EYS: variants seen among roughly 807,000 people sequenced by gnomAD.
EYS encodes EGF-like photoreceptor maintenance factor, also known as protein eyes shut homolog.
A neutral mutation model predicts 282.1 loss-of-function variants in EYS; 250 were observed. The ratio of observed to expected loss-of-function variants is 0.89; its 90% CI spans 0.80 to 0.98. EYS has a LOEUF of 0.98. Ranked by LOEUF, EYS falls within the 50% of genes least tolerant of loss-of-function variation. The pLI, the probability that EYS is intolerant of heterozygous loss-of-function variation, is 0.00. For missense variants in EYS, 4,016 were observed against 3,709.0 expected, an observed-to-expected ratio of 1.08 and a Z score of -2.15; for synonymous variants, 1,355 against 1,282.9, an observed-to-expected ratio of 1.06 and a Z score of -1.20.
chr6:64,702,489 G>A (rs1770826145), intron 22 of EYS, among the ~76,000 whole-genome samples: 1 of 151,958 alleles, frequency 6.6e-6, no homozygotes, highest in Non-Finnish European at 1.5e-5. Context: ...ACAAATTTAT[G>A]TACTTTATGT....
At chr6:64,043,640 G>A (rs2149838828) in intron 33 of EYS, among the ~76,000 whole-genome samples, 1 of 152,260 alleles carries the variant, frequency 6.6e-6, no homozygotes, top group East Asian at 1.9e-4. Context: ...TTTTCTCAAG[G>A]GTTGGGTAGG....
Position 64,395,432 on chromosome 6 carries a change from C to T in EYS, c.5928-6592G>A, listed in dbSNP as rs1205293758. ...ATTAAGAAAATGTGTCACATATACA[C>T]CATGGAATACTATGCAGCCATCAAA... On this transcript the variant is annotated intron_variant, in intron 28 of 42. Coordinates refer to ENST00000503581, the MANE Select transcript of EYS (RefSeq NM_001142800.2). Among the ~76,000 whole-genome samples, 3 of 152,162 alleles carry T rather than the reference C, an allele frequency of 2.0e-5. No individual in the cohort carries two copies. In the South Asian group the frequency reaches 6.2e-4, roughly 32 times the overall value.
At chr6:65,584,233 G>A (rs1294223415) in intron 2 of EYS, among the ~76,000 whole-genome samples, 5 of 152,044 alleles carry the variant, frequency 3.3e-5, no homozygotes, top group African/African-American at 1.2e-4. Flanking sequence ...TTTGCTGGAT[G>A]ATTTTGCATC....
At chr6:64,396,865 A>T (rs1451255782) in intron 28 of EYS, among the ~76,000 whole-genome samples, 2 of 151,312 alleles carry the variant, frequency 1.3e-5, no homozygotes, top group Non-Finnish European at 2.9e-5. Context: ...CTCCTACTTC[A>T]TTTTTTCCCC....
chr6:64,318,696 T>G (rs1340213017), intron 29 of EYS, among the ~76,000 whole-genome samples: 2 of 151,866 alleles, frequency 1.3e-5, no homozygotes, highest in African/African-American at 4.8e-5. Context: ...ATTTTTATTT[T>G]TATTTATTTA....
chr6:63,815,235 A>T (rs1286132728), intron 36 of EYS, among the ~76,000 whole-genome samples: 1 of 152,186 alleles, frequency 6.6e-6, no homozygotes, highest in Non-Finnish European at 1.5e-5. Flanking sequence ...TATTTCTCAC[A>T]GAACACCAGT....
intron 22 of EYS, among the ~76,000 whole-genome samples, chr6:64,691,611 G>A (rs1770385502): frequency 6.6e-6 from 1 of 152,072 alleles, no homozygotes; most frequent in Non-Finnish European, 1.5e-5. Flanking sequence ...CCCAGGTAGT[G>A]AGCATAGTAC....
chr6:64,658,748 G>C (rs1054185154), intron 22 of EYS, among the ~76,000 whole-genome samples: 1 of 152,164 alleles, frequency 6.6e-6, no homozygotes, highest in Non-Finnish European at 1.5e-5. Context: ...GCCATGTGAG[G>C]TGTCAGTCTG....
chr6:64,881,567 G>A (rs376507090), intron 19 of EYS, among the ~76,000 whole-genome samples: 38 of 151,392 alleles, frequency 2.5e-4, no homozygotes, highest in African/African-American at 7.7e-4. Context: ...TCTCTTTACC[G>A]TAACATAAGC....
In EYS at chr6:65,282,131, GA is replaced by G. The variant is rs200171361; in HGVS notation, c.2023+13731del. Among the ~76,000 whole-genome samples the G allele has an allele frequency of 8.8e-3, 1,329 of 151,342 alleles. 21 individuals carry two copies. Among genetic ancestry groups the G allele is most frequent in the African/African-American group, 0.03 (1,241 of 41,322 alleles). On this transcript the variant is annotated intron_variant, in intron 12 of 42. Transcript: ENST00000503581. ...TGAATACAAAATTTCAGACAGGAGG[GA>G]AAAAAATATATATATAGTTCTATGG...
At chr6:64,491,293 T>A (rs960780646) in intron 26 of EYS, among the ~76,000 whole-genome samples, 1 of 150,934 alleles carries the variant, frequency 6.6e-6, no homozygotes, top group Non-Finnish European at 1.5e-5. Context: ...CACAACTCCT[T>A]ATTTAACTAT....
rs564100693 is a variant in EYS, at chr6:64,388,998, C to T, written c.5928-158G>A. Among the ~76,000 whole-genome samples, 6 of 152,100 alleles carry T rather than the reference C, an allele frequency of 3.9e-5. No homozygotes were observed. In the South Asian group the frequency reaches 1.0e-3, roughly 26 times the overall value. On this transcript the variant is annotated intron_variant, in intron 28 of 42. Transcript: ENST00000503581. ...GATTAATCTGTTATAAATTAGAATC[C>T]TTAATGCTTTAAGTACATAAACACA...
At chr6:65,397,269 T>G (rs1426359315) in intron 7 of EYS, among the ~76,000 whole-genome samples, 1 of 151,982 alleles carries the variant, frequency 6.6e-6, no homozygotes, top group African/African-American at 2.4e-5. Context: ...TATTTTAACA[T>G]GGGTATATTA....
At chr6:64,261,543 G>A (rs9362651) in intron 30 of EYS, among the ~76,000 whole-genome samples, 103,884 of 151,900 alleles carry the variant, frequency 0.68, 35,544 homozygotes, top group South Asian at 0.71. Flanking sequence ...TTATGTCTCA[G>A]TAGCACTTAT....
intron 12 of EYS, among the ~76,000 whole-genome samples, chr6:65,064,566 C>T (rs552650726): frequency 2.7e-5 from 4 of 147,084 alleles, no homozygotes; most frequent in African/African-American, 9.9e-5. Context: ...CTGCTATATA[C>T]TATATATATA....
At chr6:65,664,783 A>G (rs902376789) in intron 1 of EYS, among the ~76,000 whole-genome samples, 2 of 152,210 alleles carry the variant, frequency 1.3e-5, no homozygotes, top group Non-Finnish European at 2.9e-5. Flanking sequence ...TTTAATAATT[A>G]TGATGTGACA....
intron 30 of EYS, among the ~76,000 whole-genome samples, chr6:64,234,351 T>C (rs1337752026): frequency 6.6e-6 from 1 of 152,132 alleles, no homozygotes; most frequent in Non-Finnish European, 1.5e-5. Context: ...TACTCTTTGT[T>C]TTTTCACCTA....
At chr6:64,746,747 G>A (rs1209990485) in intron 22 of EYS, among the ~76,000 whole-genome samples, 1 of 152,148 alleles carries the variant, frequency 6.6e-6, no homozygotes, top group Non-Finnish European at 1.5e-5. Context: ...TGCTTTTGTG[G>A]AGGATAAAGC....
intron 14 of EYS, among the ~76,000 whole-genome samples, chr6:64,982,531 T>C (rs764498694): frequency 6.6e-6 from 1 of 151,214 alleles, no homozygotes; most frequent in Non-Finnish European, 1.5e-5. Flanking sequence ...AAACCTTGTA[T>C]TGAAAGGAGA....
Sources: gnomAD v4.1 joint callset for allele counts (sites outside exome capture counted in the v4.1 genomes callset) on GRCh38, gnomAD v4.1.1 for gene constraint, MANE v1.5 for transcripts, NCBI Gene and HGNC (gene_info 2026-07-23, HGNC 2026-07-21) for gene names.